RAB21: variants seen among roughly 807,000 people sequenced by gnomAD.
RAB21 encodes ras-related protein Rab-21.
Under a neutral mutation model 33.1 loss-of-function variants are expected in RAB21, and 13 were observed. The ratio of observed to expected loss-of-function variants is 0.39; its 90% CI spans 0.26 to 0.62. RAB21 has a LOEUF of 0.62. Among genes scored for constraint, RAB21 ranks in the 20% least tolerant of loss-of-function variants. The pLI is 0.48. For missense variants in RAB21, 234 were observed against 279.1 expected, an observed-to-expected ratio of 0.84 and a Z score of 1.15; for synonymous variants, 91 against 103.7, an observed-to-expected ratio of 0.88 and a Z score of 0.74.
intron 4 of RAB21, among the ~76,000 whole-genome samples, chr12:71,778,495 A>C (rs892462224): frequency 1.3e-5 from 2 of 152,208 alleles, no homozygotes; most frequent in African/African-American, 4.8e-5. Context: ...ATAGTTTGTT[A>C]GAAGTAGACC....
intron 3 of RAB21, among the ~76,000 whole-genome samples, chr12:71,771,062 C>T (rs901979773): frequency 2.4e-4 from 37 of 152,150 alleles, no homozygotes; most frequent in Admixed American, 2.3e-3. Flanking sequence ...TAATTCCATA[C>T]GCATTGGGCT....
intron 4 of RAB21, among the ~76,000 whole-genome samples, chr12:71,776,777 A>G (rs1883126285): frequency 6.6e-6 from 1 of 152,008 alleles, no homozygotes; most frequent in South Asian, 2.1e-4. Context: ...AGGATAACTT[A>G]AAGGATTAAA....
At chr12:71,779,116 C>T (rs920230238) in intron 4 of RAB21, among the ~76,000 whole-genome samples, 2 of 152,100 alleles carry the variant, frequency 1.3e-5, no homozygotes, top group Non-Finnish European at 2.9e-5. Context: ...GGTTTGTTAG[C>T]GACACATGCG....
chr12:71,788,756 T>G lies in RAB21; in HGVS notation c.*3083T>G, dbSNP rs1016470561. On this transcript the variant is annotated 3_prime_UTR_variant, in exon 7 of 7. Transcript: ENST00000261263. ...ATAGTGATTAAAAATACCTGAATAT[T>G]ATGTTAAAAGTATACAATCATTGTT... The G allele has an allele frequency of 6.6e-6, 1 of 152,164 alleles. No homozygotes were observed. The allele number at this position is 152,164 out of a possible 1,614,324, so 9.4% of individuals were successfully genotyped here. A position where few individuals can be genotyped will look rare whatever the true frequency, so the allele number is the denominator to read the frequency against.
At chr12:71,774,188 T>A in intron 4 of RAB21, 166 bp downstream of exon 4, 1 of 400,366 alleles carries the variant, frequency 2.5e-6, no homozygotes, top group Non-Finnish European at 4.2e-6. Flanking sequence ...GGCTCATGCC[T>A]GTAATTCCAG....
At chr12:71,784,347 G>C (rs1883248536) in intron 6 of RAB21, among the ~76,000 whole-genome samples, 2 of 152,014 alleles carry the variant, frequency 1.3e-5, no homozygotes, top group African/African-American at 2.4e-5. Flanking sequence ...CATGTTTTAT[G>C]TCTTACATGA....
intron 4 of RAB21, among the ~76,000 whole-genome samples, chr12:71,777,922 T>G (rs565805503): frequency 3.5e-4 from 53 of 152,326 alleles, no homozygotes; most frequent in Admixed American, 3.1e-3. Context: ...TTGCTTAAAT[T>G]TTTTAGCAGA....
At chr12:71,780,707 C>T (rs776452767) in intron 4 of RAB21, among the ~76,000 whole-genome samples, 1 of 152,132 alleles carries the variant, frequency 6.6e-6, no homozygotes, top group Non-Finnish European at 1.5e-5. Context: ...TATTCGAGGT[C>T]CTCAGTATAT....
At chr12:71,771,658 A>G (rs979475309) in intron 3 of RAB21, among the ~76,000 whole-genome samples, 1 of 152,156 alleles carries the variant, frequency 6.6e-6, no homozygotes, top group Non-Finnish European at 1.5e-5. Flanking sequence ...GCATGAAAAG[A>G]CATAGTTTAA....
intron 6 of RAB21, among the ~76,000 whole-genome samples, chr12:71,783,129 T>C (rs1359452934): frequency 6.6e-6 from 1 of 152,052 alleles, no homozygotes; most frequent in African/African-American, 2.4e-5. Flanking sequence ...GGAGTTCTTA[T>C]CTTTTAAAGA....
At position 71,787,040 on chromosome 12, in the gene RAB21, A is replaced by G. The variant is rs1438836082; in HGVS notation, c.*1367A>G. 3 of 152,200 alleles carry G rather than the reference A, an allele frequency of 2.0e-5. No homozygotes were observed. The highest frequency in any genetic ancestry group is 4.4e-5 in the Non-Finnish European group (3 of 68,032). The allele number at this position is 152,200 out of a possible 1,614,324, so 9.4% of individuals were successfully genotyped here. On this transcript the variant is annotated 3_prime_UTR_variant, in exon 7 of 7. Coordinates refer to ENST00000261263, the MANE Select transcript of RAB21 (RefSeq NM_014999.4). ...GACTCATTCATATAGCACGTAGTTTATGTTCCTGAGGCAGCACTTTTAGAT... is the reference window on the plus strand; with the variant it reads ...GACTCATTCATATAGCACGTAGTTTGTGTTCCTGAGGCAGCACTTTTAGAT...
chr12:71,793,326 C>T lies in RAB21; in HGVS notation c.*7653C>T, dbSNP rs1592654491. ...GTTTGTGTAATTCTAAATGCACTCTCCAGTTTAAGAGTGTGGGTCCCTTTT... is the reference window on the plus strand; with the variant it reads ...GTTTGTGTAATTCTAAATGCACTCTTCAGTTTAAGAGTGTGGGTCCCTTTT... On this transcript the variant is annotated 3_prime_UTR_variant, in exon 7 of 7. Coordinates refer to ENST00000261263, the MANE Select transcript of RAB21 (RefSeq NM_014999.4). 2 of 152,270 alleles carry T rather than the reference C, an allele frequency of 1.3e-5. No homozygotes were observed. The highest frequency in any genetic ancestry group is 3.9e-4 in the East Asian group (2 of 5,182). The allele number at this position is 152,270 out of a possible 1,614,324, so 9.4% of individuals were successfully genotyped here.
chr12:71,773,965 A>G lies in RAB21; in HGVS notation c.334A>G (p.Asn112Asp). The change falls in exon 4 of 7, where the codon AAC becomes GAC. Residue 112 changes from asparagine to aspartate, a missense_variant. Physicochemically the swap from Asn to Asp is conservative, Grantham distance 23. Coordinates refer to ENST00000261263, the MANE Select transcript of RAB21 (RefSeq NM_014999.4). ...TGCTCTTTTGTATATACAGGTAAAA[A>G]ACTGGGTCAAAGAATTACGGAAAAT... The part of the protein sequence containing the change: ...TDEDSFQKVK[N>D]WVKELRKMLG... The G allele has an allele frequency of 1.3e-6, 2 of 1,590,860 alleles. No individual in the cohort carries two copies. Among genetic ancestry groups the G allele is most frequent in the Non-Finnish European group, 1.7e-6 (2 of 1,167,212 alleles).
chr12:71,781,463 C>T (rs1216616060), intron 4 of RAB21, among the ~76,000 whole-genome samples: 9 of 147,016 alleles, frequency 6.1e-5, no homozygotes, highest in African/African-American at 2.3e-4. Context: ...AGCGAGACTC[C>T]GTCAAAAAAA....
intron 1 of RAB21, among the ~76,000 whole-genome samples, chr12:71,761,886 T>C (rs1211779618): frequency 6.6e-6 from 1 of 152,200 alleles, no homozygotes; most frequent in Non-Finnish European, 1.5e-5. Flanking sequence ...ATAGTCTTGG[T>C]CTAGGAATCT....
intron 1 of RAB21, among the ~76,000 whole-genome samples, chr12:71,755,655 G>A (rs1307166404): frequency 6.6e-6 from 1 of 152,202 alleles, no homozygotes; most frequent in Non-Finnish European, 1.5e-5. Flanking sequence ...TTCAGAATTA[G>A]GAACTTAGCT....
chr12:71,763,534 T>A (rs1882911485), intron 1 of RAB21, among the ~76,000 whole-genome samples: 1 of 152,132 alleles, frequency 6.6e-6, no homozygotes, highest in South Asian at 2.1e-4. Flanking sequence ...TCCACTATGA[T>A]AGCCACTGAG....
chr12:71,755,109 G>T lies in RAB21; in HGVS notation c.-21G>T, dbSNP rs372858932. ...GGAGGGCGGCGCGACACTCGGGCTC[G>T]GGCGGCCGGGAAGCGACGGGATGGC... is the stretch of plus-strand genomic sequence containing the variant. On this transcript the variant is annotated 5_prime_UTR_variant, in exon 1 of 7. Transcript: ENST00000261263. The T allele has an allele frequency of 7.0e-6, 8 of 1,142,504 alleles. No individual in the cohort carries two copies. Among genetic ancestry groups the T allele is most frequent in the Admixed American group, 4.9e-5 (1 of 20,412 alleles). 70.8% of individuals were successfully genotyped at this position (1,142,504 alleles called of 1,614,324 possible). A position where few individuals can be genotyped will look rare whatever the true frequency, so the allele number is the denominator to read the frequency against.
intron 1 of RAB21, among the ~76,000 whole-genome samples, chr12:71,759,665 T>G (rs1164056770): frequency 1.3e-5 from 2 of 152,244 alleles, no homozygotes. Context: ...GCATTACAGT[T>G]CTCCTTTTTG....
Sources: allele counts gnomAD v4.1 joint callset (sites outside exome capture counted in the v4.1 genomes callset), GRCh38; gene constraint gnomAD v4.1.1; transcripts MANE v1.5; gene names NCBI Gene and HGNC (gene_info 2026-07-23, HGNC 2026-07-21).